The following TMEM132D variants were observed in gnomAD, a reference collection of about 807,000 sequenced individuals.
TMEM132D encodes transmembrane protein 132D.
TMEM132D carries 21 observed loss-of-function variants against 62.3 expected under a neutral mutation model. The observed-to-expected ratio is 0.34, with a 90% CI of 0.24 to 0.49. TMEM132D has a LOEUF of 0.49. Ranked by LOEUF, TMEM132D falls within the 20% of genes least tolerant of loss-of-function variation. The pLI, the probability that TMEM132D is intolerant of heterozygous loss-of-function variation, is 0.99. For missense variants in TMEM132D, 1,346 were observed against 1,402.8 expected (o/e 0.96, Z 0.65); for synonymous variants, 621 against 575.6 (o/e 1.08, Z -1.13).
chr12:129,455,945 G>T (rs563573574), intron 3 of TMEM132D, among the ~76,000 whole-genome samples: 1 of 152,168 alleles, frequency 6.6e-6, no homozygotes, highest in African/African-American at 2.4e-5. Flanking sequence ...GACTCAAGAG[G>T]AGAGACAGTG....
intron 7 of TMEM132D, among the ~76,000 whole-genome samples, chr12:129,080,473 C>T (rs1382917559): frequency 6.6e-6 from 1 of 152,198 alleles, no homozygotes; most frequent in Non-Finnish European, 1.5e-5. Context: ...GGCCCAAACC[C>T]ATTTATTTTC....
intron 3 of TMEM132D, among the ~76,000 whole-genome samples, chr12:129,363,233 C>T (rs1472860332): frequency 6.6e-6 from 1 of 152,196 alleles, no homozygotes; most frequent in Non-Finnish European, 1.5e-5. Context: ...ACTGGACTGT[C>T]TCCAGCAAGC....
chr12:129,803,975 C>T (rs1193883571), intron 1 of TMEM132D, among the ~76,000 whole-genome samples: 2 of 127,030 alleles, frequency 1.6e-5, no homozygotes, highest in African/African-American at 2.9e-5. Context: ...ATACACTCTC[C>T]CAAGACTAAA....
intron 1 of TMEM132D, among the ~76,000 whole-genome samples, chr12:129,809,387 T>C (rs1308120270): frequency 6.6e-6 from 1 of 151,300 alleles, no homozygotes; most frequent in Non-Finnish European, 1.5e-5. Context: ...GGAATGCAGG[T>C]TGGGGATAAA....
rs900787700 is a variant in TMEM132D at position 129,141,555 on chromosome 12, G to A, written c.1444-56853C>T. ...TCCTTGGGGGAGTGCCAGTAGGAACGAAACGTCAGAGCTTAGTGAACTAAG... is the reference window on the plus strand; with the variant it reads ...TCCTTGGGGGAGTGCCAGTAGGAACAAAACGTCAGAGCTTAGTGAACTAAG... On this transcript the variant is annotated intron_variant, in intron 5 of 8. Coordinates refer to ENST00000422113, the MANE Select transcript of TMEM132D (RefSeq NM_133448.3). Among the ~76,000 whole-genome samples, 34 of 152,124 alleles carry A rather than the reference G, an allele frequency of 2.2e-4. 1 individual carries two copies. The highest frequency in any genetic ancestry group is 1.5e-5 in the Non-Finnish European group (1 of 68,016).
chr12:129,696,770 G>T (rs1382468482), intron 2 of TMEM132D, among the ~76,000 whole-genome samples: 1 of 152,222 alleles, frequency 6.6e-6, no homozygotes, highest in Non-Finnish European at 1.5e-5. Context: ...AGAAGAAAAG[G>T]TTCCAGTGCT....
rs76097895 is a variant in TMEM132D at position 129,461,116 on chromosome 12, G to A, written c.1115+69943C>T. The stretch of plus-strand genomic sequence containing the variant: ...GCTGATAAGGGTTGAGGGTGGTGGG[G>A]ACCACAGTCAACATGAACTAGAAAG... On this transcript the variant is annotated intron_variant, in intron 3 of 8. Coordinates refer to ENST00000422113, the MANE Select transcript of TMEM132D (RefSeq NM_133448.3). Among the ~76,000 whole-genome samples the A allele has an allele frequency of 5.2e-3, 788 of 152,322 alleles. 30 individuals carry two copies. In the East Asian group the frequency reaches 0.096, roughly 18 times the overall value.
intron 5 of TMEM132D, among the ~76,000 whole-genome samples, chr12:129,125,676 T>C (rs1876192250): frequency 6.6e-6 from 1 of 151,950 alleles, no homozygotes; most frequent in Non-Finnish European, 1.5e-5. Context: ...TTTTTTCTTT[T>C]TTTTTTGGTA....
At chr12:129,637,660 A>G (rs982500027) in intron 2 of TMEM132D, among the ~76,000 whole-genome samples, 1 of 152,112 alleles carries the variant, frequency 6.6e-6, no homozygotes, top group Non-Finnish European at 1.5e-5. Context: ...GGTAATTTAT[A>G]AAAAAAGAAG....
At chr12:129,868,765 C>A (rs909412279) in intron 1 of TMEM132D, among the ~76,000 whole-genome samples, 5 of 152,138 alleles carry the variant, frequency 3.3e-5, no homozygotes, top group Non-Finnish European at 7.4e-5. Context: ...CAGCTGCTTG[C>A]GATGCAAGGA....
chr12:129,865,688 T>C (rs550122397), intron 1 of TMEM132D, among the ~76,000 whole-genome samples: 1 of 152,346 alleles, frequency 6.6e-6, no homozygotes, highest in African/African-American at 2.4e-5. Flanking sequence ...CGGAATATAC[T>C]GAACGCATCG....
At chr12:129,760,057 A>G (rs1205286267) in intron 1 of TMEM132D, among the ~76,000 whole-genome samples, 1 of 152,074 alleles carries the variant, frequency 6.6e-6, no homozygotes, top group Non-Finnish European at 1.5e-5. Context: ...GGTGTTTGCC[A>G]TCACACCTGG....
chr12:129,696,747 G>T (rs1036242140), intron 2 of TMEM132D, among the ~76,000 whole-genome samples: 1 of 152,226 alleles, frequency 6.6e-6, no homozygotes, highest in Non-Finnish European at 1.5e-5. Context: ...AGAATGTGTG[G>T]CTAGAAGAAT....
intron 5 of TMEM132D, among the ~76,000 whole-genome samples, chr12:129,161,335 C>T (rs1877393875): frequency 6.6e-6 from 1 of 152,214 alleles, no homozygotes; most frequent in African/African-American, 2.4e-5. Flanking sequence ...AAGTATTTAA[C>T]TGAACATCTC....
chr12:129,374,483 G>T (rs146183233), intron 3 of TMEM132D, among the ~76,000 whole-genome samples: 1 of 152,082 alleles, frequency 6.6e-6, no homozygotes, highest in South Asian at 2.1e-4. Flanking sequence ...GGCTGGGAGT[G>T]GAAGGGGATT....
At chr12:129,606,453 A>G (rs1299676993) in intron 2 of TMEM132D, among the ~76,000 whole-genome samples, 2 of 152,192 alleles carry the variant, frequency 1.3e-5, no homozygotes, top group Admixed American at 6.5e-5. Context: ...GATCTCTTGC[A>G]TCCCTGAGAT....
At chr12:129,599,883 T>C (rs80307538) in intron 2 of TMEM132D, among the ~76,000 whole-genome samples, 1 of 152,074 alleles carries the variant, frequency 6.6e-6, no homozygotes, top group South Asian at 2.1e-4. Context: ...CAAGACCTAA[T>C]TTTTTTTGCT....
chr12:129,731,685 C>T lies in TMEM132D; in HGVS notation c.80-30987G>A, dbSNP rs547698901. Among the ~76,000 whole-genome samples the T allele has an allele frequency of 7.6e-4, 114 of 150,118 alleles. 2 individuals carry two copies. In the South Asian group the frequency reaches 0.013, roughly 17 times the overall value. ...ACTGGAAATTTTTTTTTTTTTGAGACGGAGTCTCGCTCTGTCGCCCGGGCT... is the reference window on the plus strand; with the variant it reads ...ACTGGAAATTTTTTTTTTTTTGAGATGGAGTCTCGCTCTGTCGCCCGGGCT... On this transcript the variant is annotated intron_variant, in intron 1 of 8. Transcript: ENST00000422113.
At chr12:129,544,583 ATATCTGGTAGGGC>A (rs1876678948) in intron 2 of TMEM132D, among the ~76,000 whole-genome samples, 1 of 152,214 alleles carries the variant, frequency 6.6e-6, no homozygotes, top group Non-Finnish European at 1.5e-5. Context: ...ACATATTTTA[ATATCTGGTAGGGC>A]TATTTTCTTC....
Sources: gnomAD v4.1 joint callset for allele counts (sites outside exome capture counted in the v4.1 genomes callset) on GRCh38, gnomAD v4.1.1 for gene constraint, MANE v1.5 for transcripts, NCBI Gene and HGNC (gene_info 2026-07-23, HGNC 2026-07-21) for gene names.